The following EPHA2 variants were observed in gnomAD, a reference collection of about 807,000 sequenced individuals.
The protein encoded by EPHA2 is EPH receptor A2, also known as ephrin type-A receptor 2.
EPHA2 carries 54 observed loss-of-function variants against 104.9 expected under a neutral mutation model. The observed-to-expected ratio is 0.51, with a 90% CI of 0.41 to 0.65. The LOEUF is 0.65. EPHA2 is among the 30% of genes least tolerant of loss of function. The pLI is 0.00. For synonymous variants in EPHA2, 560 were observed against 559.1 expected, an observed-to-expected ratio of 1.00 and a Z score of -0.02; for missense variants, 1,117 against 1,369.5, an observed-to-expected ratio of 0.82 and a Z score of 2.91.
At chr1:16,138,496 G>C (rs894946805) in intron 3 of EPHA2, 66 bp from the exon 4 acceptor site, 2 of 1,607,852 alleles carry the variant, frequency 1.2e-6, no homozygotes, top group Admixed American at 3.3e-5. Flanking sequence ...CCACGTGACT[G>C]TCTCATTCCC....
At chr1:16,140,310 G>A (rs575764374) in intron 3 of EPHA2, among the ~76,000 whole-genome samples, 1 of 152,342 alleles carries the variant, frequency 6.6e-6, no homozygotes, top group South Asian at 2.1e-4. Flanking sequence ...ATAGGGCAGG[G>A]AAGGGGGCTT....
chr1:16,155,880 A>G lies in EPHA2; in HGVS notation c.53T>C (p.Leu18Pro), dbSNP rs1253449807. The G allele has an allele frequency of 2.0e-6, 3 of 1,467,276 alleles. No homozygotes were observed. The highest frequency in any genetic ancestry group is 9.0e-7 in the Non-Finnish European group (1 of 1,116,150). The allele number at this position is 1,467,276 out of a possible 1,614,324, so 90.9% of individuals were successfully genotyped here. A position where few individuals can be genotyped will look rare whatever the true frequency, so the allele number is the denominator to read the frequency against. ...ACFALLWGCA[L>P]AAAAAAQGKE... ...GCCCTGCGCCGCCGCGGCCGCGGCC[A>G]GCGCACAGCCCCACAGCAGGGCGAA... The change falls in exon 1 of 17, where the codon CTG becomes CCG. Residue 18 changes from leucine to proline, a missense_variant. Transcript: ENST00000358432.
At chr1:16,146,246 C>T (rs2024930851) in intron 3 of EPHA2, among the ~76,000 whole-genome samples, 2 of 152,168 alleles carry the variant, frequency 1.3e-5, no homozygotes, top group Admixed American at 1.3e-4. Context: ...AAATTTCGCT[C>T]TTGGAAACTT....
chr1:16,137,472 C>T (rs1389366793), intron 5 of EPHA2, among the ~76,000 whole-genome samples: 2 of 152,022 alleles, frequency 1.3e-5, no homozygotes, highest in African/African-American at 4.8e-5. Context: ...GTGGCACGTG[C>T]CTGTAATCCC....
chr1:16,127,764 C>T (rs1047007209), intron 16 of EPHA2, among the ~76,000 whole-genome samples: 3 of 152,104 alleles, frequency 2.0e-5, no homozygotes, highest in Non-Finnish European at 4.4e-5. Flanking sequence ...TGGTGGGGGG[C>T]GCCGAATGAC....
At chr1:16,136,682 AAGAAGAAGAG>A (rs1191690894) in intron 5 of EPHA2, among the ~76,000 whole-genome samples, 1,162 of 100,212 alleles carry the variant, frequency 0.012, 52 homozygotes, top group African/African-American at 0.053. Context: ...AAGAAGAAGA[AAGAAGAAGAG>A]GAAGAAGAAG....
intron 16 of EPHA2, 48 bp downstream of exon 16, chr1:16,129,386 G>T: frequency 2.5e-6 from 4 of 1,599,928 alleles, no homozygotes; most frequent in Non-Finnish European, 3.4e-6. Context: ...GGCAGCCTCT[G>T]GAGTGGGAGG....
chr1:16,130,343 A>T lies in EPHA2; in HGVS notation c.2552T>A (p.Met851Lys). The change falls in exon 15 of 17, where the codon ATG becomes AAG. Residue 851 changes from methionine (M) to lysine (K), a missense_variant. Physicochemically the swap from Met to Lys is moderately conservative, Grantham distance 95. This residue lies in a region of EPHA2 where 340 missense variants were observed against 480.5 expected (regional missense o/e 0.71). Transcript: ENST00000358432. This position sits in a 1 kb window ranked among gnomAD's most constrained non-coding sequence, Gnocchi z 4.5. ...DCPSAIYQLMMQCWQQERARR... is the reference protein window; with the variant it reads ...DCPSAIYQLMKQCWQQERARR... ...GGCACGCTCCTGCTGCCAGCACTGC[A>T]TCATGAGCTGGTAGATGGCGGAGGG... is the stretch of plus-strand genomic sequence containing the variant. 6.3e-7 allele frequency: 1 copy of T among 1,592,950 alleles called. No individual in the cohort carries two copies. The highest frequency in any genetic ancestry group is 2.3e-5 in the East Asian group (1 of 44,412).
At position 16,137,882 on chromosome 1, in the gene EPHA2, C is replaced by G. The variant is rs138475231; in HGVS notation, c.1283G>C (p.Arg428Pro). 1 of 1,613,890 alleles carries G rather than the reference C, an allele frequency of 6.2e-7. No homozygotes were observed. The part of the protein sequence containing the change: ...VSGLVTSRSF[R>P]TASVSINQTE... ...CTGGTTGATGCTGACACTGGCAGTA[C>G]GGAAGCTGCGGCTGGTTACCAGGCC... is the stretch of plus-strand genomic sequence containing the variant. The change falls in exon 5 of 17, where the codon CGT (arginine) becomes CCT (proline). Residue 428 changes from arginine (R) to proline (P), a missense_variant. Transcript: ENST00000358432.
Position 16,135,943 on chromosome 1 carries a change from C to A in EPHA2, c.1313-173G>T, listed in dbSNP as rs2024676281. Reference sequence around the variant, plus strand: ...TCGAGTGCAGTGGCATGATCTCGGCCCACTACAGCTTTGAACTCCTGTGCT... The same window carrying A: ...TCGAGTGCAGTGGCATGATCTCGGCACACTACAGCTTTGAACTCCTGTGCT... On this transcript the variant is annotated intron_variant, in intron 5 of 16. Transcript: ENST00000358432. This position sits in a 1 kb window ranked among gnomAD's most constrained non-coding sequence, Gnocchi z 4.3. 6.6e-6 allele frequency among the ~76,000 whole-genome samples: 1 copy of A among 152,096 alleles called. No homozygotes were observed. Among genetic ancestry groups the A allele is most frequent in the Admixed American group, 6.5e-5 (1 of 15,276 alleles).
intron 1 of EPHA2, chr1:16,153,439 C>T: frequency 2.0e-6 from 1 of 504,176 alleles, no homozygotes; most frequent in South Asian, 8.5e-5. Flanking sequence ...CAAGGACTTC[C>T]TGGCACTCTC....
intron 16 of EPHA2, among the ~76,000 whole-genome samples, chr1:16,126,379 A>G (rs1329315956): frequency 6.6e-6 from 1 of 152,246 alleles, no homozygotes; most frequent in African/African-American, 2.4e-5. Flanking sequence ...GGAGCTAATT[A>G]TATGATGCAA....
chr1:16,137,378 C>T (rs545748965), intron 5 of EPHA2, among the ~76,000 whole-genome samples: 2 of 151,692 alleles, frequency 1.3e-5, no homozygotes, highest in Admixed American at 6.6e-5. Flanking sequence ...GCGGGCGGAT[C>T]GCAAGGTCAG....
rs1384551420 is a variant in EPHA2, at chr1:16,131,863, T to C, written c.2333A>G (p.Lys778Arg). The C allele has an allele frequency of 6.2e-7, 1 of 1,613,774 alleles. No homozygotes were observed. Among genetic ancestry groups the C allele is most frequent in the Non-Finnish European group, 8.5e-7 (1 of 1,179,916 alleles). ...PEATYTTSGG[K>R]IPIRWTAPEA... ...CGGGGCGGTCCAGCGGATGGGGATC[T>C]TGCCGCCCTGCAGGGAACCCAGGCC... The change falls in exon 14 of 17, where the codon AAG (lysine) becomes AGG (arginine). Residue 778 changes from lysine (K) to arginine (R), a missense_variant. By Grantham distance (26) the Lys-to-Arg change is conservative. This residue lies in a region of EPHA2 where 340 missense variants were observed against 480.5 expected (regional missense o/e 0.71). Transcript: ENST00000358432. This position sits in a 1 kb window ranked among gnomAD's most constrained non-coding sequence, Gnocchi z 5.2.
At position 16,134,664 on chromosome 1, in the gene EPHA2, G is replaced by A. The variant is rs938705740; in HGVS notation, c.1583-97C>T. ...GACACCTGGGCCCCTACTGTGTGCTGGGTGCTTGCACTTGGGAAGGCTCCA... is the reference window on the plus strand; with the variant it reads ...GACACCTGGGCCCCTACTGTGTGCTAGGTGCTTGCACTTGGGAAGGCTCCA... On this transcript the variant is annotated intron_variant, in intron 7 of 16. Coordinates refer to ENST00000358432, the MANE Select transcript of EPHA2 (RefSeq NM_004431.5). The surrounding 1 kb of genome is among the most constrained non-coding windows in gnomAD (Gnocchi z 4.5). 4.2e-5 allele frequency: 56 copies of A among 1,319,166 alleles called. No individual in the cohort carries two copies. The highest frequency in any genetic ancestry group is 5.4e-5 in the Non-Finnish European group (50 of 933,284). 81.7% of individuals were successfully genotyped at this position (1,319,166 alleles called of 1,614,324 possible). A position where few individuals can be genotyped will look rare whatever the true frequency, so the allele number is the denominator to read the frequency against.
chr1:16,133,846 G>C lies in EPHA2; in HGVS notation c.1738+14C>G. 1 of 1,543,002 alleles carries C rather than the reference G, an allele frequency of 6.5e-7. No individual in the cohort carries two copies. Among genetic ancestry groups the C allele is most frequent in the Non-Finnish European group, 8.8e-7 (1 of 1,141,808 alleles). On this transcript the variant is annotated intron_variant, in intron 9 of 16. Coordinates refer to ENST00000358432, the MANE Select transcript of EPHA2 (RefSeq NM_004431.5). ...GCGGGCAGGGCTGGGCCTGGAGCGG[G>C]GGCTGCGTCTCACCTGACTTGGAGA...
At position 16,131,904 on chromosome 1, in the gene EPHA2, C is replaced by G. The variant is rs1203462495; in HGVS notation, c.2326-34G>C. On this transcript the variant is annotated intron_variant, in intron 13 of 16. Transcript: ENST00000358432. This position sits in a 1 kb window ranked among gnomAD's most constrained non-coding sequence, Gnocchi z 5.2. ...AACCCAGGCCCAGTCACCACTGTGC[C>G]CTCTGGCTGGCCCCAGGACCATTGC... The G allele has an allele frequency of 6.2e-7, 1 of 1,610,082 alleles. No homozygotes were observed.
rs1369778892 is a variant in EPHA2 at position 16,148,356 on chromosome 1, G to A, written c.823+22C>T. ...CTGGGAATGCAGAACCCCCTTCCCTGCAACCCAGAACCGTCACTCACCCTG... is the reference window on the plus strand; with the variant it reads ...CTGGGAATGCAGAACCCCCTTCCCTACAACCCAGAACCGTCACTCACCCTG... On this transcript the variant is annotated intron_variant, in intron 3 of 16. Transcript: ENST00000358432. The surrounding 1 kb of genome is among the most constrained non-coding windows in gnomAD (Gnocchi z 4.9). The A allele has an allele frequency of 7.4e-6, 12 of 1,612,820 alleles. No individual in the cohort carries two copies. The highest frequency in any genetic ancestry group is 1.3e-5 in the African/African-American group (1 of 74,910).
At position 16,133,359 on chromosome 1, in the gene EPHA2, C is replaced by T; in HGVS notation, c.1874G>A (p.Gly625Glu). 1.2e-6 allele frequency: 2 copies of T among 1,613,858 alleles called. No homozygotes were observed. The highest frequency in any genetic ancestry group is 2.2e-5 in the South Asian group (2 of 91,088). Residue 625 changes from glycine (G) to glutamate (E), a missense_variant, in exon 11 of 17, where the codon GGG (glycine) becomes GAG (glutamate). This residue lies in a region of EPHA2 where 113 missense variants were observed against 104.3 expected (regional missense o/e 1.08). Coordinates refer to ENST00000358432, the MANE Select transcript of EPHA2 (RefSeq NM_004431.5). Reference sequence around the variant, plus strand: ...CTTCAGCATGCCCTTGTACACCTCCCCAAACTCTCCTGTGGGCAGACAGGG... The same window carrying T: ...CTTCAGCATGCCCTTGTACACCTCCTCAAACTCTCCTGTGGGCAGACAGGG... Reference protein sequence around the residue: ...RQKVIGAGEFGEVYKGMLKTS... With the variant: ...RQKVIGAGEFEEVYKGMLKTS...
Sources: gnomAD v4.1 joint callset for allele counts (sites outside exome capture counted in the v4.1 genomes callset) on GRCh38, gnomAD v4.1.1 for gene constraint, gnomAD v4.1.1 regional missense constraint, Gnocchi (gnomAD v3.1) non-coding constraint, MANE v1.5 for transcripts, NCBI Gene and HGNC (gene_info 2026-07-23, HGNC 2026-07-21) for gene names.